FBXO41: variants seen among roughly 807,000 people sequenced by gnomAD.
The protein encoded by FBXO41 is F-box only protein 41.
A neutral mutation model predicts 81.6 loss-of-function variants in FBXO41; 33 were observed. The ratio of observed to expected loss-of-function variants is 0.40; its 90% CI spans 0.31 to 0.54. FBXO41 has a LOEUF of 0.54. Among genes scored for constraint, FBXO41 ranks in the 20% least tolerant of loss-of-function variants. The pLI, the probability that FBXO41 is intolerant of heterozygous loss-of-function variation, is 0.39. For synonymous variants in FBXO41, 576 were observed against 552.7 expected (o/e 1.04, Z -0.59); for missense variants, 1,107 against 1,236.0 (o/e 0.90, Z 1.56).
chr2:73,276,597 A>AGAGAGAGG (rs879481980), intron 1 of FBXO41, among the ~76,000 whole-genome samples: 21 of 105,766 alleles, frequency 2.0e-4, no homozygotes, highest in East Asian at 6.5e-4. Flanking sequence ...AGAGAGAGAG[A>AGAGAGAGG]GAGAGAGGGA....
intron 4 of FBXO41, 59 bp from the exon 5 acceptor site, chr2:73,265,699 C>T: frequency 4.1e-6 from 6 of 1,447,814 alleles, no homozygotes; most frequent in Non-Finnish European, 5.5e-6. Flanking sequence ...CCCAAACTCC[C>T]CATCCTGCCC....
Position 73,258,884 on chromosome 2 carries a change from C to T in FBXO41, c.*98G>A, listed in dbSNP as rs559200824. The T allele has an allele frequency of 4.7e-5, 61 of 1,289,732 alleles. No individual in the cohort carries two copies. Among genetic ancestry groups the T allele is most frequent in the African/African-American group, 1.1e-4 (7 of 66,624 alleles). The allele number at this position is 1,289,732 out of a possible 1,614,324, so 79.9% of individuals were successfully genotyped here. On this transcript the variant is annotated 3_prime_UTR_variant, in exon 13 of 13. Transcript: ENST00000520530. ...CCCTCCAGAAGCCAGGGATAACACT[C>T]GGCCTCCAAAGGTCTAGTCCAAACC...
Position 73,268,972 on chromosome 2 carries a change from T to C in FBXO41, c.659A>G (p.Glu220Gly). Residue 220 changes from glutamate (E) to glycine (G), a missense_variant, in exon 2 of 13, where the codon GAG becomes GGG. Glu to Gly is a moderately conservative substitution (Grantham distance 98). Coordinates refer to ENST00000520530, the MANE Select transcript of FBXO41 (RefSeq NM_001371389.2). ...CTGCTCCACCTCCTCGCTCAGCCGC[T>C]CCAGCCGCCGGTCCACCTCCAGCTT... ...LEKLEVDRRL[E>G]RLSEEVEQKI... 6.5e-7 allele frequency: 1 copy of C among 1,538,124 alleles called. No homozygotes were observed. Among genetic ancestry groups the C allele is most frequent in the South Asian group, 1.2e-5 (1 of 84,008 alleles).
At chr2:73,271,343 T>C (rs536904249) in intron 1 of FBXO41, 1 of 196,426 alleles carries the variant, frequency 5.1e-6, no homozygotes, top group South Asian at 9.8e-5. Context: ...GACATAGACC[T>C]GGCAAATCAG....
intron 1 of FBXO41, among the ~76,000 whole-genome samples, chr2:73,275,804 T>C (rs1688665382): frequency 6.8e-6 from 1 of 146,346 alleles, no homozygotes; most frequent in African/African-American, 2.8e-5. Context: ...CTTTTTTCTT[T>C]TGGACAGAGT....
In FBXO41 at chr2:73,268,716, G is replaced by T; in HGVS notation, c.905+10C>A. 1 of 1,522,548 alleles carries T rather than the reference G, an allele frequency of 6.6e-7. No homozygotes were observed. The highest frequency in any genetic ancestry group is 8.9e-7 in the Non-Finnish European group (1 of 1,129,554). The allele number at this position is 1,522,548 out of a possible 1,614,324, so 94.3% of individuals were successfully genotyped here. On this transcript the variant is annotated intron_variant, in intron 2 of 12. Transcript: ENST00000520530. ...CACAACCACTCACAGGGCCCCGAGG[G>T]TCTACTCACTGCTGCTTGCGGCTCA...
At chr2:73,271,317 A>C (rs566389494) in intron 1 of FBXO41, 28 of 248,292 alleles carry the variant, frequency 1.1e-4, no homozygotes, top group South Asian at 1.1e-3. Context: ...CTCAGTCCAC[A>C]TGGTCTTGGG....
Position 73,269,547 on chromosome 2 carries a change from G to A in FBXO41, c.84C>T (p.His28=). 7.3e-7 allele frequency: 1 copy of A among 1,364,876 alleles called. No homozygotes were observed. 84.5% of individuals were successfully genotyped at this position (1,364,876 alleles called of 1,614,324 possible). A position where few individuals can be genotyped will look rare whatever the true frequency, so the allele number is the denominator to read the frequency against. Residue 28 remains histidine, a synonymous_variant, in exon 2 of 13, where the codon CAC becomes CAT. Coordinates refer to ENST00000520530, the MANE Select transcript of FBXO41 (RefSeq NM_001371389.2). This position sits in a 1 kb window ranked among gnomAD's most constrained non-coding sequence, Gnocchi z 7.0. ...TCTCGTAGGTGTGGCTGTACTCCAG[G>A]TGCGCGCGCAGCGACGACAGGCTCC... ...RFRSLSSLRA[H]LEYSHTYETL...
chr2:73,271,631 C>CCCG (rs1553384776), intron 1 of FBXO41: 1 of 147,612 alleles, frequency 6.8e-6, no homozygotes, highest in South Asian at 2.3e-4. Flanking sequence ...ACTCCCCCCC[C>CCCG]CCCAACTTCT....
chr2:73,262,366 G>C (rs1688049357), intron 9 of FBXO41, among the ~76,000 whole-genome samples: 2 of 152,206 alleles, frequency 1.3e-5, no homozygotes, highest in African/African-American at 4.8e-5. Context: ...TGACTGGGAG[G>C]AGCTGTCGCG....
chr2:73,263,782 C>T lies in FBXO41; in HGVS notation c.1971G>A (p.Gly657=), dbSNP rs773873295. The change falls in exon 8 of 13, where the codon GGG becomes GGA. Residue 657 remains glycine (G), a synonymous_variant. Transcript: ENST00000520530. The stretch of plus-strand genomic sequence containing the variant: ...GGGAGATGCGCAGGATCAGCAGGTT[C>T]CCCCCAGCTGCCTTCAGCAGGGACT... ...GLESLLKAAG[G]NLLILRISHC... 8 of 1,613,880 alleles carry T rather than the reference C, an allele frequency of 5.0e-6. No homozygotes were observed. Among genetic ancestry groups the T allele is most frequent in the Admixed American group, 3.3e-5 (2 of 60,000 alleles).
intron 7 of FBXO41, 35 bp downstream of exon 7, chr2:73,263,903 A>G (rs1234655907): frequency 1.2e-6 from 2 of 1,613,566 alleles, no homozygotes; most frequent in Admixed American, 1.7e-5. Flanking sequence ...TCTGTGGCCC[A>G]ACAGCACCCA....
chr2:73,276,596 G>C (rs1182904683), intron 1 of FBXO41, among the ~76,000 whole-genome samples: 1 of 112,332 alleles, frequency 8.9e-6, no homozygotes, highest in Non-Finnish European at 1.8e-5. Context: ...GAGAGAGAGA[G>C]AGAGAGAGGG....
chr2:73,265,605 G>A lies in FBXO41; in HGVS notation c.1241C>T (p.Ser414Leu). The A allele has an allele frequency of 6.6e-7, 1 of 1,526,420 alleles. No individual in the cohort carries two copies. The allele number at this position is 1,526,420 out of a possible 1,614,324, so 94.6% of individuals were successfully genotyped here. ...SSRVPAASQS[S>L]GCYDSDSLEL... is the part of the protein sequence containing the mutation. ...CAGACTGTCACTGTCATAGCAGCCT[G>A]AGCTCTGGGATGCGGCTGGCACACG... Residue 414 changes from serine (S) to leucine (L), a missense_variant, in exon 5 of 13, where the codon TCA (serine) becomes TTA (leucine). Coordinates refer to ENST00000520530, the MANE Select transcript of FBXO41 (RefSeq NM_001371389.2).
intron 2 of FBXO41, among the ~76,000 whole-genome samples, chr2:73,268,376 T>C (rs925859067): frequency 1.3e-5 from 2 of 152,106 alleles, no homozygotes; most frequent in African/African-American, 4.8e-5. Context: ...TTTAGAAATA[T>C]GCAGAAACAA....
chr2:73,260,466 C>T lies in FBXO41; in HGVS notation c.2372G>A (p.Arg791Gln), dbSNP rs372612044. The change falls in exon 11 of 13, where the codon CGG becomes CAG. Residue 791 changes from arginine (R) to glutamine (Q), a missense_variant. Transcript: ENST00000520530. The surrounding 1 kb of genome is among the most constrained non-coding windows in gnomAD (Gnocchi z 5.0). Reference protein sequence around the residue: ...ITQEVAAEVCREGLKGLEMLV... With the variant: ...ITQEVAAEVCQEGLKGLEMLV... ...CATCTCCAGTCCCTTCAGGCCTTCC[C>T]GGCAGACCTCTGCTGCCACCTCCTG... The T allele has an allele frequency of 4.6e-5, 74 of 1,606,364 alleles. 1 individual carries two copies. The highest frequency in any genetic ancestry group is 1.6e-4 in the African/African-American group (12 of 74,718).
Position 73,266,818 on chromosome 2 carries a change from CA to C in FBXO41, c.906-137del. 2 of 1,344,970 alleles carry C rather than the reference CA, an allele frequency of 1.5e-6. No individual in the cohort carries two copies. Among genetic ancestry groups the C allele is most frequent in the Non-Finnish European group, 1.9e-6 (2 of 1,038,492 alleles). The allele number at this position is 1,344,970 out of a possible 1,614,324, so 83.3% of individuals were successfully genotyped here. A position where few individuals can be genotyped will look rare whatever the true frequency, so the allele number is the denominator to read the frequency against. On this transcript the variant is annotated intron_variant, in intron 2 of 12. Coordinates refer to ENST00000520530, the MANE Select transcript of FBXO41 (RefSeq NM_001371389.2). This position sits in a 1 kb window ranked among gnomAD's most constrained non-coding sequence, Gnocchi z 5.3. The stretch of plus-strand genomic sequence containing the variant: ...CTGCTTATGGTCACATGGGTTCCTG[CA>C]GAACAGGCCTAGCACACAGCCCCGC...
chr2:73,269,135 A>AGGACGCCAC lies in FBXO41; in HGVS notation c.487_495dup (p.Val163_Ser165dup), dbSNP rs1286119135. ...CCAGGCGGCGGCGTCGAGCACGCCG[A>AGGACGCCAC]GGACGCCACGGACTTGCGGGCGAAC... On this transcript the variant is annotated inframe_insertion, in exon 2 of 13. Transcript: ENST00000520530. The surrounding 1 kb of genome is among the most constrained non-coding windows in gnomAD (Gnocchi z 7.0). The AGGACGCCAC allele has an allele frequency of 2.0e-6, 3 of 1,519,632 alleles. No individual in the cohort carries two copies. The highest frequency in any genetic ancestry group is 2.6e-6 in the Non-Finnish European group (3 of 1,140,112). 94.1% of individuals were successfully genotyped at this position (1,519,632 alleles called of 1,614,324 possible).
intron 1 of FBXO41, among the ~76,000 whole-genome samples, chr2:73,279,712 A>G (rs1688793709): frequency 6.6e-6 from 1 of 152,172 alleles, no homozygotes; most frequent in Non-Finnish European, 1.5e-5. Flanking sequence ...GTGAGGAGAC[A>G]ATGAGTGAAT....
Sources: gnomAD v4.1 joint callset for allele counts (sites outside exome capture counted in the v4.1 genomes callset) on GRCh38, gnomAD v4.1.1 for gene constraint, Gnocchi (gnomAD v3.1) non-coding constraint, MANE v1.5 for transcripts, NCBI Gene and HGNC (gene_info 2026-07-23, HGNC 2026-07-21) for gene names.